The following HTR4 variants were observed in gnomAD, a reference collection of about 807,000 sequenced individuals.
HTR4 encodes the protein 5-hydroxytryptamine (serotonin) receptor 4, G protein-coupled.
In HTR4, 16 loss-of-function variants were observed where a neutral mutation model predicts 36.8. The ratio of observed to expected loss-of-function variants is 0.43; its 90% CI spans 0.29 to 0.66. The LOEUF (loss-of-function observed/expected upper bound fraction) is 0.66. Among genes scored for constraint, HTR4 ranks in the 30% least tolerant of loss-of-function variants. The probability of loss-of-function intolerance (pLI) is 0.13; values close to 1 mark genes in which losing one functional copy is unlikely to be tolerated. For synonymous variants in HTR4, 189 were observed against 185.1 expected, an observed-to-expected ratio of 1.02 and a Z score of -0.17; for missense variants, 438 against 490.9, an observed-to-expected ratio of 0.89 and a Z score of 1.02.
intron 2 of HTR4, among the ~76,000 whole-genome samples, chr5:148,626,997 ATCT>A (rs1481695166): frequency 6.6e-6 from 1 of 152,146 alleles, no homozygotes; most frequent in African/African-American, 2.4e-5. Flanking sequence ...CTTTAAAAAC[ATCT>A]TCCTCTTCCT....
chr5:148,481,347 A>G, downstream of HTR4: 2 of 568,384 alleles, frequency 3.5e-6, no homozygotes, highest in African/African-American at 1.9e-5. Flanking sequence ...TTCATATGTG[A>G]CAAGAATGGT....
chr5:148,572,440 GTAA>G (rs1431372132), intron 2 of HTR4, among the ~76,000 whole-genome samples: 1 of 152,144 alleles, frequency 6.6e-6, no homozygotes, highest in Admixed American at 6.5e-5. Context: ...ATAGACAAAT[GTAA>G]TAATATTTTA....
chr5:148,457,975 T>C (rs1755153965), intron 5 of HTR4, among the ~76,000 whole-genome samples: 2 of 97,940 alleles, frequency 2.0e-5, no homozygotes, highest in Non-Finnish European at 4.7e-5. Flanking sequence ...ATATAATATA[T>C]TTTAATGATA....
At chr5:148,477,813 GC>G (rs1181248163), downstream of HTR4, among the ~76,000 whole-genome samples, 7 of 151,902 alleles carry the variant, frequency 4.6e-5, no homozygotes, top group Admixed American at 3.9e-4. Flanking sequence ...GCACATTCCT[GC>G]CCTAGTGCAT....
chr5:148,523,158 G>T lies in HTR4; in HGVS notation c.507+35C>A, dbSNP rs770472711. Reference sequence around the variant, plus strand: ...TAGGAACCCCATGCAAAGTTGATCAGACAGTAAACCAGTGAGGTCTGTGTG... The same window carrying T: ...TAGGAACCCCATGCAAAGTTGATCATACAGTAAACCAGTGAGGTCTGTGTG... On this transcript the variant is annotated intron_variant, in intron 5 of 6. Coordinates refer to ENST00000377888, the MANE Select transcript of HTR4 (RefSeq NM_000870.7). 6.3e-6 allele frequency: 10 copies of T among 1,578,192 alleles called. No homozygotes were observed. In the East Asian group the frequency reaches 2.3e-4, roughly 36 times the overall value.
chr5:148,462,560 G>C (rs940779890), intron 5 of HTR4, among the ~76,000 whole-genome samples: 1 of 151,964 alleles, frequency 6.6e-6, no homozygotes, highest in Middle Eastern at 3.2e-3. Flanking sequence ...AGGCTGAGAT[G>C]GGTTCACTGG....
At chr5:148,515,567 A>C (rs1286527459) in intron 5 of HTR4, among the ~76,000 whole-genome samples, 2 of 152,118 alleles carry the variant, frequency 1.3e-5, no homozygotes, top group Non-Finnish European at 2.9e-5. Context: ...TCTTAATATC[A>C]TCTTAATGTT....
chr5:148,600,034 A>T (rs763279148), intron 2 of HTR4, among the ~76,000 whole-genome samples: 13 of 151,556 alleles, frequency 8.6e-5, no homozygotes, highest in African/African-American at 3.1e-4. Context: ...TAAAAGACAA[A>T]TTTTTAGTCC....
At chr5:148,633,240 C>G (rs1753390357) in intron 2 of HTR4, among the ~76,000 whole-genome samples, 1 of 152,132 alleles carries the variant, frequency 6.6e-6, no homozygotes, top group Non-Finnish European at 1.5e-5. Context: ...CAACTGCTTT[C>G]TCTGCTATGG....
chr5:148,598,269 G>T (rs1451511594), intron 2 of HTR4, among the ~76,000 whole-genome samples: 1 of 152,130 alleles, frequency 6.6e-6, no homozygotes, highest in African/African-American at 2.4e-5. Context: ...TTGAGGCCAG[G>T]CACAGTGGCT....
At chr5:148,477,354 T>C (rs970635659), downstream of HTR4, among the ~76,000 whole-genome samples, 3 of 152,158 alleles carry the variant, frequency 2.0e-5, no homozygotes, top group African/African-American at 7.2e-5. Flanking sequence ...AGACCTACTG[T>C]ATAAATGCAT....
intron 2 of HTR4, among the ~76,000 whole-genome samples, chr5:148,615,535 TG>T (rs1468288804): frequency 2.1e-4 from 12 of 58,382 alleles, no homozygotes; most frequent in African/African-American, 5.6e-4. Flanking sequence ...TGTTGTGGGG[TG>T]GGGGGAGGGG....
chr5:148,518,620 C>G (rs1652359011), intron 5 of HTR4, among the ~76,000 whole-genome samples: 2 of 152,106 alleles, frequency 1.3e-5, no homozygotes, highest in Non-Finnish European at 2.9e-5. Flanking sequence ...CACCCAAACC[C>G]TCAAAAGCTT....
rs868154187 is a variant in HTR4 at position 148,627,362 on chromosome 5, A to G, written c.26+9627T>C. Among the ~76,000 whole-genome samples the G allele has an allele frequency of 2.5e-4, 38 of 152,328 alleles. 1 individual carries two copies. The highest frequency in any genetic ancestry group is 8.3e-4 in the South Asian group (4 of 4,828). On this transcript the variant is annotated intron_variant, in intron 2 of 6. Transcript: ENST00000377888. The stretch of plus-strand genomic sequence containing the variant: ...TGTCGATTTTTTTAACATTTAAAAA[A>G]TGACTCTAATGTATCCATTTCCACA...
intron 5 of HTR4, among the ~76,000 whole-genome samples, chr5:148,459,751 A>G (rs1238952096): frequency 1.3e-5 from 2 of 152,094 alleles, no homozygotes; most frequent in Admixed American, 6.5e-5. Flanking sequence ...ACAAAACCAA[A>G]CCAAAACAAA....
At chr5:148,570,790 G>C (rs1048611873) in intron 2 of HTR4, among the ~76,000 whole-genome samples, 8 of 152,098 alleles carry the variant, frequency 5.3e-5, no homozygotes, top group African/African-American at 1.9e-4. Flanking sequence ...GTGTATAAAA[G>C]AGAAGGGACA....
At chr5:148,609,727 G>A (rs1159805029) in intron 2 of HTR4, among the ~76,000 whole-genome samples, 13 of 151,820 alleles carry the variant, frequency 8.6e-5, no homozygotes, top group African/African-American at 2.2e-4. Context: ...CACCATGCCC[G>A]GCTAATTTTT....
intron 1 of HTR4, among the ~76,000 whole-genome samples, chr5:148,643,957 GAACT>G (rs1402535946): frequency 1.4e-4 from 22 of 152,262 alleles, no homozygotes; most frequent in Middle Eastern, 3.4e-3. Flanking sequence ...AATGAGAACA[GAACT>G]AACTAAGGGG....
intron 2 of HTR4, among the ~76,000 whole-genome samples, chr5:148,571,848 C>T (rs1760691334): frequency 6.6e-6 from 1 of 152,060 alleles, no homozygotes; most frequent in Admixed American, 6.6e-5. Flanking sequence ...CAGCTTCAAG[C>T]TTTTCTCAAA....
Sources: gnomAD v4.1 joint callset for allele counts (sites outside exome capture counted in the v4.1 genomes callset) on GRCh38, gnomAD v4.1.1 for gene constraint, MANE v1.5 for transcripts, NCBI Gene and HGNC (gene_info 2026-07-23, HGNC 2026-07-21) for gene names.